Variants in NKAIN3 observed in about 807,000 individuals in gnomAD.
NKAIN3 encodes sodium/potassium transporting ATPase interacting 3, also known as sodium/potassium-transporting ATPase subunit beta-1-interacting protein 3.
Under a neutral mutation model 30.2 loss-of-function variants are expected in NKAIN3, and 25 were observed. The observed-to-expected ratio is 0.83, with a 90% CI of 0.60 to 1.16. NKAIN3 has a LOEUF of 1.16. Ranked by LOEUF, NKAIN3 falls within the 50% of genes most tolerant of loss-of-function variation. The pLI, the probability that NKAIN3 is intolerant of heterozygous loss-of-function variation, is 0.00. For synonymous variants in NKAIN3, 91 were observed against 89.6 expected, an observed-to-expected ratio of 1.02 and a Z score of -0.09; for missense variants, 225 against 254.1, an observed-to-expected ratio of 0.89 and a Z score of 0.78.
chr8:62,303,000 G>A (rs1197746273), intron 1 of NKAIN3, among the ~76,000 whole-genome samples: 1 of 150,240 alleles, frequency 6.7e-6, no homozygotes, highest in Admixed American at 6.6e-5. Flanking sequence ...GCATACCTGA[G>A]TTCTACTTCA....
chr8:62,404,160 T>C (rs1196985155), intron 1 of NKAIN3, among the ~76,000 whole-genome samples: 2 of 152,242 alleles, frequency 1.3e-5, no homozygotes, highest in Non-Finnish European at 2.9e-5. Context: ...TGTAACCTCA[T>C]TGTATCTAGG....
At position 62,353,588 on chromosome 8, in the gene NKAIN3, C is replaced by T. The variant is rs546242983; in HGVS notation, c.54+104461C>T. 1.7e-3 allele frequency among the ~76,000 whole-genome samples: 257 copies of T among 152,202 alleles called. 1 individual carries two copies. The highest frequency in any genetic ancestry group is 5.7e-3 in the African/African-American group (237 of 41,546). ...GAGATATAGCACTAGATTATAGCCT[C>T]GCCTATTTCACTGGGCATTTTAGGA... On this transcript the variant is annotated intron_variant, in intron 1 of 6. Coordinates refer to ENST00000623646, the MANE Select transcript of NKAIN3 (RefSeq NM_001304533.3).
At chr8:62,268,944 G>T (rs1770967971) in intron 1 of NKAIN3, among the ~76,000 whole-genome samples, 1 of 152,150 alleles carries the variant, frequency 6.6e-6, no homozygotes, top group Non-Finnish European at 1.5e-5. Flanking sequence ...ACATTTCTAA[G>T]TACAGTTATT....
rs73255096 is a variant in NKAIN3 at position 62,586,326 on chromosome 8, G to A, written c.193-3388G>A. ...CCAGTTATTGGCTGTGAAGCCTTGG[G>A]ATGTTTGTTTGCTTTCCTTTTGCCA... On this transcript the variant is annotated intron_variant, in intron 2 of 6. Transcript: ENST00000623646. Among the ~76,000 whole-genome samples, 1,375 of 152,266 alleles carry A rather than the reference G, an allele frequency of 9.0e-3. 32 individuals carry two copies. The highest frequency in any genetic ancestry group is 0.031 in the African/African-American group (1,289 of 41,552).
In NKAIN3 at chr8:62,528,571, C is replaced by T. The variant is rs574925029; in HGVS notation, c.55-50968C>T. ...TCCACCTTCTTCTCTCTCTAAGAAG[C>T]TCATAGCTCTTAGAGCTATAGGTAG... On this transcript the variant is annotated intron_variant, in intron 1 of 6. Coordinates refer to ENST00000623646, the MANE Select transcript of NKAIN3 (RefSeq NM_001304533.3). 2.6e-4 allele frequency among the ~76,000 whole-genome samples: 40 copies of T among 151,828 alleles called. 1 individual carries two copies. The highest frequency in any genetic ancestry group is 3.4e-3 in the Middle Eastern group (1 of 294).
chr8:62,266,100 T>C (rs1320219718), intron 1 of NKAIN3, among the ~76,000 whole-genome samples: 1 of 152,114 alleles, frequency 6.6e-6, no homozygotes, highest in Non-Finnish European at 1.5e-5. Context: ...TCCTAGAAAG[T>C]CTCCTCTTGG....
intron 5 of NKAIN3, among the ~76,000 whole-genome samples, chr8:62,919,346 A>C (rs973467584): frequency 7.4e-6 from 1 of 135,216 alleles, no homozygotes; most frequent in Non-Finnish European, 1.5e-5. Context: ...CCAGGTTCAC[A>C]CCATTCTCCT....
At chr8:62,990,055 C>A in intron 5 of NKAIN3, 1 of 590,416 alleles carries the variant, frequency 1.7e-6, no homozygotes, top group Non-Finnish European at 3.0e-6. Context: ...ATTTCAGGCA[C>A]TTATATTGAC....
chr8:62,527,692 T>C (rs1563440864), intron 1 of NKAIN3, among the ~76,000 whole-genome samples: 1 of 152,192 alleles, frequency 6.6e-6, no homozygotes, highest in Non-Finnish European at 1.5e-5. Context: ...TGTATTATTA[T>C]ATTTATCTCT....
At chr8:62,375,553 T>G (rs1387545098) in intron 1 of NKAIN3, among the ~76,000 whole-genome samples, 1 of 152,164 alleles carries the variant, frequency 6.6e-6, no homozygotes, top group Non-Finnish European at 1.5e-5. Context: ...TTCGATTGAT[T>G]TTTTGATTCA....
At chr8:62,475,424 A>G (rs767191926) in intron 1 of NKAIN3, among the ~76,000 whole-genome samples, 6 of 152,152 alleles carry the variant, frequency 3.9e-5, no homozygotes, top group Non-Finnish European at 7.4e-5. Flanking sequence ...CTGTGCCTCC[A>G]TGGTCATTTC....
At chr8:62,344,274 G>A (rs1041476436) in intron 1 of NKAIN3, among the ~76,000 whole-genome samples, 3 of 152,054 alleles carry the variant, frequency 2.0e-5, no homozygotes, top group Admixed American at 6.6e-5. Context: ...AATAGTTGAT[G>A]TAAATGGGAA....
chr8:62,807,603 A>G (rs1259353038), intron 4 of NKAIN3, among the ~76,000 whole-genome samples: 1 of 140,532 alleles, frequency 7.1e-6, no homozygotes, highest in Non-Finnish European at 1.5e-5. Flanking sequence ...ACCAGGCTGG[A>G]GTGCAGTGGC....
intron 4 of NKAIN3, among the ~76,000 whole-genome samples, chr8:62,900,080 G>C (rs4237058): frequency 0.77 from 116,819 of 151,102 alleles, 46,018 homozygotes; most frequent in East Asian, 0.98. Context: ...AAAAAGTTCT[G>C]ATTTCTATTG....
intron 5 of NKAIN3, among the ~76,000 whole-genome samples, chr8:62,935,067 A>G (rs1433547915): frequency 6.6e-6 from 1 of 152,128 alleles, no homozygotes. Context: ...CAGAATAAAA[A>G]CAAGTCATAG....
At chr8:62,740,295 T>C (rs773341473) in intron 3 of NKAIN3, among the ~76,000 whole-genome samples, 50 of 152,138 alleles carry the variant, frequency 3.3e-4, no homozygotes, top group African/African-American at 1.2e-3. Flanking sequence ...CTCTGTAAAA[T>C]TGAACAAAAT....
chr8:62,271,245 A>G (rs1330996257), intron 1 of NKAIN3, among the ~76,000 whole-genome samples: 1 of 152,220 alleles, frequency 6.6e-6, no homozygotes, highest in Admixed American at 6.6e-5. Flanking sequence ...TGACAACAAG[A>G]TAGGACCACA....
intron 1 of NKAIN3, among the ~76,000 whole-genome samples, chr8:62,416,635 C>G (rs904578309): frequency 2.6e-5 from 4 of 152,142 alleles, no homozygotes; most frequent in African/African-American, 9.7e-5. Context: ...TCCATCCCCT[C>G]AAGTATTTAT....
At chr8:62,763,933 T>C (rs1816752602) in intron 4 of NKAIN3, among the ~76,000 whole-genome samples, 1 of 152,182 alleles carries the variant, frequency 6.6e-6, no homozygotes, top group Non-Finnish European at 1.5e-5. Context: ...GAGAAGTTTA[T>C]TGAGGGGTTG....
Sources: allele counts gnomAD v4.1 joint callset (sites outside exome capture counted in the v4.1 genomes callset), GRCh38; gene constraint gnomAD v4.1.1; transcripts MANE v1.5; gene names NCBI Gene and HGNC (gene_info 2026-07-23, HGNC 2026-07-21).